The following NAV3 variants were observed in gnomAD, a reference collection of about 807,000 sequenced individuals.
The protein encoded by NAV3 is neuron navigator 3, also known as pore membrane and/or filament interacting like protein 1.
A neutral mutation model predicts 244.7 loss-of-function variants in NAV3; 87 were observed. The observed-to-expected ratio is 0.36, with a 90% CI of 0.30 to 0.42. The LOEUF is 0.42. NAV3 is among the 20% of genes least tolerant of loss of function. NAV3 has a pLI of 1.00. For missense variants in NAV3, 2,663 were observed against 2,893.3 expected (o/e 0.92, Z 1.83); for synonymous variants, 1,126 against 1,042.2 (o/e 1.08, Z -1.55).
intron 2 of NAV3, among the ~76,000 whole-genome samples, chr12:77,729,526 G>A (rs1565789638): frequency 6.6e-6 from 1 of 151,934 alleles, no homozygotes; most frequent in Non-Finnish European, 1.5e-5. Context: ...TATGACATTT[G>A]GAAAGTGAAA....
chr12:78,163,547 G>A (rs1031297480), intron 23 of NAV3, among the ~76,000 whole-genome samples: 1 of 151,966 alleles, frequency 6.6e-6, no homozygotes, highest in African/African-American at 2.4e-5. Flanking sequence ...CAGCCTGGGT[G>A]ACAGAGAGAG....
At position 77,677,710 on chromosome 12, in the gene NAV3, G is replaced by A. The variant is rs767723599; in HGVS notation, c.72+105444G>A. Among the ~76,000 whole-genome samples the A allele has an allele frequency of 7.2e-5, 11 of 152,328 alleles. No homozygotes were observed. In the Middle Eastern group the frequency reaches 0.01, roughly 141 times the overall value. On this transcript the variant is annotated intron_variant, in intron 2 of 8. Transcript: ENST00000550042. Reference sequence around the variant, plus strand: ...GCGCATTGCTTTGTAATTAGCAAGCGTGCAGTGAATGTTGGCAGCTGCTGC... The same window carrying A: ...GCGCATTGCTTTGTAATTAGCAAGCATGCAGTGAATGTTGGCAGCTGCTGC...
At chr12:77,611,239 G>C (rs897610318) in intron 2 of NAV3, among the ~76,000 whole-genome samples, 3 of 151,666 alleles carry the variant, frequency 2.0e-5, no homozygotes, top group African/African-American at 7.3e-5. Flanking sequence ...AAGCAATTTT[G>C]TTTTCTAATT....
intron 1 of NAV3, among the ~76,000 whole-genome samples, chr12:77,860,229 A>C (rs1879062031): frequency 6.6e-6 from 1 of 151,558 alleles, no homozygotes; most frequent in Non-Finnish European, 1.5e-5. Flanking sequence ...GATTGTCTCC[A>C]GGAAAGAAAG....
chr12:78,110,370 T>C (rs555400191), intron 12 of NAV3, among the ~76,000 whole-genome samples: 69 of 152,204 alleles, frequency 4.5e-4, no homozygotes, highest in African/African-American at 1.6e-3. Context: ...CCCAAAGCAA[T>C]TTCCACATTC....
intron 2 of NAV3, among the ~76,000 whole-genome samples, chr12:77,686,031 T>A (rs2246883): frequency 0.86 from 130,834 of 152,218 alleles, 57,510 homozygotes; most frequent in East Asian, 1. Flanking sequence ...ATGGATGGAT[T>A]TGACTCTCTA....
At chr12:77,879,116 C>T (rs1882258806) in intron 1 of NAV3, among the ~76,000 whole-genome samples, 1 of 152,124 alleles carries the variant, frequency 6.6e-6, no homozygotes, top group Non-Finnish European at 1.5e-5. Flanking sequence ...CCAAATACAG[C>T]TGCTGCTGCA....
chr12:77,924,785 G>A (rs1197387146), intron 1 of NAV3, among the ~76,000 whole-genome samples: 2 of 151,980 alleles, frequency 1.3e-5, no homozygotes, highest in Admixed American at 1.3e-4. Context: ...ACATTTGTTT[G>A]GGGAGAATAT....
intron 3 of NAV3, among the ~76,000 whole-genome samples, chr12:77,958,014 G>T (rs1182851719): frequency 6.6e-6 from 1 of 152,152 alleles, no homozygotes; most frequent in Non-Finnish European, 1.5e-5. Context: ...TCAAGAACAC[G>T]TGTTAACTCT....
chr12:78,082,472 A>G lies in NAV3; in HGVS notation c.2636+23357A>G, dbSNP rs577326657. 9.9e-5 allele frequency among the ~76,000 whole-genome samples: 15 copies of G among 152,242 alleles called. 1 individual carries two copies. Among genetic ancestry groups the G allele is most frequent in the African/African-American group, 2.6e-4 (11 of 41,542 alleles). ...TCAATTAAAAATTGATTTTTCTCGG[A>G]AGTTTTCCCTTGAAGGTAGTCAGTG... On this transcript the variant is annotated intron_variant, in intron 12 of 39. Transcript: ENST00000397909.
chr12:77,712,840 A>C (rs917225373), intron 2 of NAV3, among the ~76,000 whole-genome samples: 1 of 152,228 alleles, frequency 6.6e-6, no homozygotes, highest in Non-Finnish European at 1.5e-5. Context: ...CATATAGGCG[A>C]GCAAGTTAGT....
intron 23 of NAV3, among the ~76,000 whole-genome samples, chr12:78,159,615 G>A (rs1193278133): frequency 6.6e-6 from 1 of 151,892 alleles, no homozygotes; most frequent in African/African-American, 2.4e-5. Context: ...GACGCAGTGA[G>A]CCAAGATCAC....
chr12:77,938,931 C>CGTGTGTGT lies in NAV3; in HGVS notation c.244-1363_244-1356dup, dbSNP rs35392593. ...CCAAATTTGGTTTAAAATGTGATCT[C>CGTGTGTGT]GTGTGTGTGTGTGTGTGTGTGTGTG... On this transcript the variant is annotated intron_variant, in intron 1 of 39. Coordinates refer to ENST00000397909, the MANE Select transcript of NAV3 (RefSeq NM_001024383.2). Among the ~76,000 whole-genome samples, 42 of 142,590 alleles carry CGTGTGTGT rather than the reference C, an allele frequency of 2.9e-4. No individual in the cohort carries two copies. In the East Asian group the frequency reaches 5.2e-3, roughly 18 times the overall value. The allele number at this position is 142,590 out of a possible 152,430, so 93.5% of individuals were successfully genotyped here.
intron 2 of NAV3, among the ~76,000 whole-genome samples, chr12:77,785,291 C>T (rs1870852040): frequency 6.6e-6 from 1 of 152,100 alleles, no homozygotes; most frequent in Non-Finnish European, 1.5e-5. Flanking sequence ...CCATGTGTTT[C>T]CTCTGTCTGT....
At chr12:78,038,291 A>T (rs1044053207) in intron 9 of NAV3, among the ~76,000 whole-genome samples, 1 of 152,196 alleles carries the variant, frequency 6.6e-6, no homozygotes, top group African/African-American at 2.4e-5. Flanking sequence ...TGGCCATATC[A>T]TATTTTATGT....
chr12:78,134,928 T>C (rs1956309611), intron 18 of NAV3, among the ~76,000 whole-genome samples: 1 of 152,214 alleles, frequency 6.6e-6, no homozygotes, highest in African/African-American at 2.4e-5. Flanking sequence ...GCCCTCTTTT[T>C]CCTAATACAT....
intron 2 of NAV3, among the ~76,000 whole-genome samples, chr12:77,704,942 T>C (rs1475993597): frequency 6.6e-6 from 1 of 152,206 alleles, no homozygotes; most frequent in East Asian, 1.9e-4. Flanking sequence ...AAATAAAAGA[T>C]TTTATGATAC....
intron 1 of NAV3, among the ~76,000 whole-genome samples, chr12:77,937,898 A>G (rs1889474985): frequency 6.6e-6 from 1 of 152,218 alleles, no homozygotes; most frequent in Admixed American, 6.5e-5. Context: ...CAGATGCTTT[A>G]CAAGTGCTAT....
chr12:77,584,919 C>T (rs1376796574), intron 2 of NAV3, among the ~76,000 whole-genome samples: 1 of 152,134 alleles, frequency 6.6e-6, no homozygotes, highest in Non-Finnish European at 1.5e-5. Flanking sequence ...TGCATGCCTC[C>T]AGCTACCATG....
Sources: gnomAD v4.1 joint callset for allele counts (sites outside exome capture counted in the v4.1 genomes callset) on GRCh38, gnomAD v4.1.1 for gene constraint, MANE v1.5 for transcripts, NCBI Gene and HGNC (gene_info 2026-07-23, HGNC 2026-07-21) for gene names.